The following ATP6V1H variants were observed in gnomAD, a reference collection of about 807,000 sequenced individuals.
The protein encoded by ATP6V1H is V-type proton ATPase subunit H.
Under a neutral mutation model 71.7 loss-of-function variants are expected in ATP6V1H, and 39 were observed. The observed-to-expected ratio is 0.54, with a 90% CI of 0.42 to 0.71. The LOEUF is 0.71. ATP6V1H is among the 30% of genes least tolerant of loss of function. The pLI is 0.00. For synonymous variants in ATP6V1H, 192 were observed against 199.3 expected (o/e 0.96, Z 0.31); for missense variants, 509 against 594.9 (o/e 0.86, Z 1.50).
chr8:53,774,976 A>G (rs1392042234), intron 9 of ATP6V1H, among the ~76,000 whole-genome samples: 2 of 152,216 alleles, frequency 1.3e-5, no homozygotes, highest in Admixed American at 1.3e-4. Context: ...TGTGTCCGCA[A>G]TTGGTGGGTT....
chr8:53,817,583 T>C (rs1810492324), intron 4 of ATP6V1H, 53 bp from the exon 5 acceptor site: 3 of 1,124,050 alleles, frequency 2.7e-6, no homozygotes, highest in Admixed American at 1.9e-5. Context: ...TGCTAAAGAA[T>C]GTAACGACTG....
intron 4 of ATP6V1H, among the ~76,000 whole-genome samples, chr8:53,820,029 C>A (rs1445007295): frequency 1.3e-5 from 2 of 151,718 alleles, no homozygotes; most frequent in African/African-American, 2.4e-5. Context: ...AAAGAAACAC[C>A]AAATCCCAAC....
intron 7 of ATP6V1H, among the ~76,000 whole-genome samples, chr8:53,810,233 T>C (rs1439165534): frequency 6.6e-6 from 1 of 152,232 alleles, no homozygotes; most frequent in Non-Finnish European, 1.5e-5. Flanking sequence ...GTCTCCGTTT[T>C]CCCTAACTTT....
chr8:53,827,953 T>C (rs1810875513), intron 4 of ATP6V1H, among the ~76,000 whole-genome samples: 1 of 152,210 alleles, frequency 6.6e-6, no homozygotes, highest in Admixed American at 6.5e-5. Flanking sequence ...CATTCTGTTT[T>C]ATGGCCGTAT....
chr8:53,761,193 TG>T (rs1374964721), intron 11 of ATP6V1H, among the ~76,000 whole-genome samples: 2 of 152,022 alleles, frequency 1.3e-5, no homozygotes, highest in Admixed American at 1.3e-4. Flanking sequence ...AAAAATTAGC[TG>T]GGTGTGGTGG....
At chr8:53,764,667 G>C (rs994517886) in intron 11 of ATP6V1H, among the ~76,000 whole-genome samples, 1 of 152,140 alleles carries the variant, frequency 6.6e-6, no homozygotes, top group Non-Finnish European at 1.5e-5. Flanking sequence ...CATCATATTG[G>C]AAGTATCATT....
At chr8:53,771,559 A>G (rs1808656930) in intron 10 of ATP6V1H, among the ~76,000 whole-genome samples, 1 of 152,168 alleles carries the variant, frequency 6.6e-6, no homozygotes, top group African/African-American at 2.4e-5. Context: ...TCTTTACTGT[A>G]CATACATTAT....
intron 9 of ATP6V1H, among the ~76,000 whole-genome samples, chr8:53,774,724 A>T (rs1350195717): frequency 6.6e-6 from 1 of 152,308 alleles, no homozygotes; most frequent in Middle Eastern, 3.4e-3. Flanking sequence ...GAATGGCACT[A>T]GAAAAATTTC....
intron 6 of ATP6V1H, among the ~76,000 whole-genome samples, chr8:53,813,304 T>C (rs1810345769): frequency 6.6e-6 from 1 of 152,078 alleles, no homozygotes; most frequent in Non-Finnish European, 1.5e-5. Flanking sequence ...CAAATACAAA[T>C]GGCAATTAGG....
At chr8:53,839,210 G>A (rs1231482511) in intron 2 of ATP6V1H, among the ~76,000 whole-genome samples, 1 of 152,136 alleles carries the variant, frequency 6.6e-6, no homozygotes, top group Non-Finnish European at 1.5e-5. Flanking sequence ...CGGAGCTCTG[G>A]CCAGTCCACC....
chr8:53,828,967 G>A (rs750382322), intron 4 of ATP6V1H, among the ~76,000 whole-genome samples: 7 of 152,108 alleles, frequency 4.6e-5, no homozygotes, highest in East Asian at 1.9e-4. Flanking sequence ...GGATGGTAAC[G>A]CAGTAAACAG....
chr8:53,744,437 G>C (rs978133619), intron 12 of ATP6V1H, among the ~76,000 whole-genome samples: 2 of 152,210 alleles, frequency 1.3e-5, no homozygotes, highest in African/African-American at 4.8e-5. Context: ...TGTGGTTACA[G>C]ACAGAGCTGT....
chr8:53,775,579 A>T (rs1276345909), intron 9 of ATP6V1H, among the ~76,000 whole-genome samples: 1 of 152,230 alleles, frequency 6.6e-6, no homozygotes, highest in Non-Finnish European at 1.5e-5. Context: ...CCACCAGAGC[A>T]GCTAGATACA....
Position 53,841,700 on chromosome 8 carries a change from G to T in ATP6V1H, c.-10C>A. 6.2e-7 allele frequency: 1 copy of T among 1,611,606 alleles called. No individual in the cohort carries two copies. Among genetic ancestry groups the T allele is most frequent in the Non-Finnish European group, 8.5e-7 (1 of 1,178,760 alleles). ...TATCCATTTTGGTCATCTAAACTTC[G>T]TAATCTTGAATGTCTTTCAACAAAT... is the stretch of plus-strand genomic sequence containing the variant. On this transcript the variant is annotated 5_prime_UTR_variant, in exon 2 of 14. Coordinates refer to ENST00000359530, the MANE Select transcript of ATP6V1H (RefSeq NM_015941.4).
At chr8:53,806,824 T>C (rs907207387) in intron 7 of ATP6V1H, 1 of 455,142 alleles carries the variant, frequency 2.2e-6, no homozygotes, top group Non-Finnish European at 4.4e-6. Context: ...TATAATCAAG[T>C]GTTGAACAGC....
intron 2 of ATP6V1H, among the ~76,000 whole-genome samples, chr8:53,834,562 A>T (rs1811099643): frequency 6.6e-6 from 1 of 152,014 alleles, no homozygotes; most frequent in African/African-American, 2.4e-5. Flanking sequence ...AGTAGCTGGG[A>T]CTACAGGCCC....
chr8:53,800,246 A>G (rs1809865421), intron 8 of ATP6V1H, among the ~76,000 whole-genome samples: 2 of 152,316 alleles, frequency 1.3e-5, no homozygotes, highest in East Asian at 1.9e-4. Context: ...CTTATGATAC[A>G]GCTGTGCGTC....
chr8:53,781,031 T>C (rs1478379095), intron 9 of ATP6V1H, among the ~76,000 whole-genome samples: 1 of 152,182 alleles, frequency 6.6e-6, no homozygotes, highest in Admixed American at 6.5e-5. Flanking sequence ...AGCAGCATGA[T>C]TTATAATCCT....
At position 53,801,858 on chromosome 8, in the gene ATP6V1H, C is replaced by G; in HGVS notation, c.618G>C (p.Gln206His). The change falls in exon 8 of 14, where the codon CAG (glutamine) becomes CAC (histidine). Residue 206 changes from glutamine (Q) to histidine (H), a missense_variant. Physicochemically the swap from Gln to His is conservative, Grantham distance 24. Transcript: ENST00000359530. ...QYVQCVAGCL[Q>H]LMLRVNEYRF... ...GGTACTCATTGACCCGGAGCATCAG[C>G]TGCAAACACCCGGCCACGCACTGCA... 6.2e-7 allele frequency: 1 copy of G among 1,614,054 alleles called. No individual in the cohort carries two copies. The highest frequency in any genetic ancestry group is 8.5e-7 in the Non-Finnish European group (1 of 1,179,990).
Sources: allele counts gnomAD v4.1 joint callset (sites outside exome capture counted in the v4.1 genomes callset), GRCh38; gene constraint gnomAD v4.1.1; transcripts MANE v1.5; gene names NCBI Gene and HGNC (gene_info 2026-07-23, HGNC 2026-07-21).